Variants in ARHGEF3 observed in about 807,000 individuals in gnomAD.
ARHGEF3 encodes the protein 59.8 kDA protein.
Under a neutral mutation model 63.2 loss-of-function variants are expected in ARHGEF3, and 28 were observed. That is an observed-to-expected ratio of 0.44 (90% CI 0.33 to 0.61). The LOEUF is 0.61. Among genes scored for constraint, ARHGEF3 ranks in the 20% least tolerant of loss-of-function variants. The pLI is 0.03. For synonymous variants in ARHGEF3, 266 were observed against 254.2 expected (o/e 1.05, Z -0.44); for missense variants, 533 against 659.3 (o/e 0.81, Z 2.10).
chr3:57,040,072 A>G (rs1418402615), intron 1 of ARHGEF3, among the ~76,000 whole-genome samples: 1 of 152,238 alleles, frequency 6.6e-6, no homozygotes, highest in Non-Finnish European at 1.5e-5. Flanking sequence ...CCCAGCAATG[A>G]GAATGGATGA....
intron 4 of ARHGEF3, among the ~76,000 whole-genome samples, chr3:56,843,166 C>A (rs187741382): frequency 6.6e-6 from 1 of 152,314 alleles, no homozygotes; most frequent in African/African-American, 2.4e-5. Context: ...GCTTTCTATG[C>A]ATGGATGTAT....
intron 3 of ARHGEF3, among the ~76,000 whole-genome samples, chr3:56,909,138 G>C (rs572567407): frequency 6.6e-6 from 1 of 152,340 alleles, no homozygotes; most frequent in Admixed American, 6.5e-5. Context: ...AGAATGGATG[G>C]AGTGAAAAAT....
At chr3:56,993,979 G>A (rs747108143) in intron 2 of ARHGEF3, among the ~76,000 whole-genome samples, 13 of 146,928 alleles carry the variant, frequency 8.8e-5, no homozygotes, top group Non-Finnish European at 1.6e-4. Context: ...CAGGAGAAAC[G>A]CTTGAACCCG....
chr3:56,772,751 GCTAA>G (rs2036073574), intron 2 of ARHGEF3, among the ~76,000 whole-genome samples: 1 of 152,146 alleles, frequency 6.6e-6, no homozygotes, highest in Admixed American at 6.6e-5. Flanking sequence ...ATTAATGATT[GCTAA>G]CTAAGGGCCA....
chr3:56,919,551 T>C (rs2042072018), intron 3 of ARHGEF3, among the ~76,000 whole-genome samples: 1 of 152,234 alleles, frequency 6.6e-6, no homozygotes. Flanking sequence ...CCTGTGGACA[T>C]TTAGCAAATA....
intron 3 of ARHGEF3, among the ~76,000 whole-genome samples, chr3:56,915,703 T>A (rs2041970075): frequency 6.6e-6 from 1 of 152,094 alleles, no homozygotes; most frequent in African/African-American, 2.4e-5. Context: ...ACTGATAATA[T>A]CTGACTTCAC....
chr3:56,960,348 G>A (rs1700226053), intron 2 of ARHGEF3, among the ~76,000 whole-genome samples: 1 of 152,170 alleles, frequency 6.6e-6, no homozygotes, highest in South Asian at 2.1e-4. Flanking sequence ...ATGAAATTGG[G>A]ATTCTGTTCT....
At chr3:56,815,337 T>C (rs183435877) in intron 4 of ARHGEF3, among the ~76,000 whole-genome samples, 1 of 152,006 alleles carries the variant, frequency 6.6e-6, no homozygotes, top group African/African-American at 2.4e-5. Flanking sequence ...GTATATGGAG[T>C]ATTATCTTGA....
chr3:56,798,358 C>T (rs1294697596), intron 1 of ARHGEF3, among the ~76,000 whole-genome samples: 1 of 152,144 alleles, frequency 6.6e-6, no homozygotes, highest in African/African-American at 2.4e-5. Flanking sequence ...AATTTTAAAA[C>T]TGAAAGTAAG....
chr3:56,735,598 G>A (rs2033560408), intron 8 of ARHGEF3, among the ~76,000 whole-genome samples: 1 of 152,230 alleles, frequency 6.6e-6, no homozygotes, highest in Non-Finnish European at 1.5e-5. Flanking sequence ...CTTACACCCT[G>A]TGGAGCACTG....
chr3:56,735,349 T>C (rs1266752251), intron 8 of ARHGEF3, among the ~76,000 whole-genome samples: 1 of 152,150 alleles, frequency 6.6e-6, no homozygotes, highest in East Asian at 1.9e-4. Flanking sequence ...ATTTCTCTTA[T>C]TGGTCTCAGC....
chr3:57,070,984 A>G (rs1370726237), intron 1 of ARHGEF3, among the ~76,000 whole-genome samples: 6 of 147,974 alleles, frequency 4.1e-5, no homozygotes, highest in African/African-American at 1.0e-4. Flanking sequence ...AAAAAAAAAA[A>G]AAAGAAAGAA....
intron 3 of ARHGEF3, among the ~76,000 whole-genome samples, chr3:56,930,742 T>C (rs539361972): frequency 1.3e-5 from 2 of 152,180 alleles, no homozygotes; most frequent in African/African-American, 4.8e-5. Context: ...TAAAATATAT[T>C]TTTTAAATGC....
rs749106013 is a variant in ARHGEF3, at chr3:56,729,285, A to G, written c.1566T>C (p.Gly522=). The change falls in exon 10 of 10, where the codon GGT becomes GGC. Residue 522 remains glycine (G), a synonymous_variant. Coordinates refer to ENST00000296315, the MANE Select transcript of ARHGEF3 (RefSeq NM_019555.3). ...CATGCTTCTGTCAGACGTTACTTTCACCGTGCCTGCTGTTTCCACAGGAAG... is the reference window on the plus strand; with the variant it reads ...CATGCTTCTGTCAGACGTTACTTTCGCCGTGCCTGCTGTTTCCACAGGAAG... ...TDSSCGNSRH[G]ESNV The G allele has an allele frequency of 6.2e-7, 1 of 1,612,146 alleles. No individual in the cohort carries two copies. The highest frequency in any genetic ancestry group is 1.3e-5 in the African/African-American group (1 of 74,894).
At chr3:56,968,268 T>A (rs1700734831) in intron 2 of ARHGEF3, among the ~76,000 whole-genome samples, 8 of 38,254 alleles carry the variant, frequency 2.1e-4, no homozygotes, top group Non-Finnish European at 2.7e-4. Flanking sequence ...TTTAAATATA[T>A]AATATATAAA....
chr3:57,032,169 C>A (rs1035003687), intron 2 of ARHGEF3, among the ~76,000 whole-genome samples: 2 of 152,152 alleles, frequency 1.3e-5, no homozygotes, highest in Admixed American at 6.5e-5. Context: ...ATCCCCATGA[C>A]AAATATGCTC....
Position 56,930,052 on chromosome 3 carries a change from C to A in ARHGEF3, c.129+28771G>T, listed in dbSNP as rs571064977. Among the ~76,000 whole-genome samples the A allele has an allele frequency of 3.4e-3, 523 of 152,314 alleles. 2 individuals are homozygous for A. The highest frequency in any genetic ancestry group is 0.012 in the African/African-American group (486 of 41,574). Reference sequence around the variant, plus strand: ...AGTCTGGGTCAACTACCAGCCCCCCCCTCCCACCAGCTGTGGCTGGGATCC... The same window carrying A: ...AGTCTGGGTCAACTACCAGCCCCCCACTCCCACCAGCTGTGGCTGGGATCC... On this transcript the variant is annotated intron_variant, in intron 3 of 12. Transcript: ENST00000338458.
intron 1 of ARHGEF3, among the ~76,000 whole-genome samples, chr3:57,067,593 G>A (rs1705622299): frequency 2.0e-5 from 3 of 151,148 alleles, no homozygotes; most frequent in Non-Finnish European, 4.4e-5. Flanking sequence ...CCAGCACACT[G>A]GGAGGCTGAG....
At position 57,001,216 on chromosome 3, in the gene ARHGEF3, G is replaced by C. The variant is rs182470504; in HGVS notation, c.62+33872C>G. ...CAGCCTTTCAAAGGGTTGGGATTAT[G>C]GGCATGAGCCACTGTGCCAGGTCCT... On this transcript the variant is annotated intron_variant, in intron 2 of 12. Transcript: ENST00000338458. 4.2e-4 allele frequency among the ~76,000 whole-genome samples: 64 copies of C among 152,200 alleles called. 1 individual carries two copies. In the East Asian group the frequency reaches 8.3e-3, roughly 20 times the overall value.
Sources: allele counts gnomAD v4.1 joint callset (sites outside exome capture counted in the v4.1 genomes callset), GRCh38; gene constraint gnomAD v4.1.1; transcripts MANE v1.5; gene names NCBI Gene and HGNC (gene_info 2026-07-23, HGNC 2026-07-21).